The following TPH2 variants were observed in gnomAD, a reference collection of about 807,000 sequenced individuals.
The protein encoded by TPH2 is tryptophan 5-hydroxylase 2.
A neutral mutation model predicts 59.1 loss-of-function variants in TPH2; 27 were observed. The ratio of observed to expected loss-of-function variants is 0.46; its 90% CI spans 0.34 to 0.63. The LOEUF is 0.63. Among genes scored for constraint, TPH2 ranks in the 30% least tolerant of loss-of-function variants. TPH2 has a pLI of 0.01. For missense variants in TPH2, 523 were observed against 588.3 expected, an observed-to-expected ratio of 0.89 and a Z score of 1.15; for synonymous variants, 220 against 210.5, an observed-to-expected ratio of 1.05 and a Z score of -0.39.
chr12:71,990,605 A>C (rs1011329950), intron 7 of TPH2, among the ~76,000 whole-genome samples: 1 of 152,248 alleles, frequency 6.6e-6, no homozygotes, highest in Non-Finnish European at 1.5e-5. Context: ...CAGGCACTTC[A>C]ATTTCCTTTG....
At chr12:71,992,246 C>T (rs1872591802) in intron 7 of TPH2, among the ~76,000 whole-genome samples, 1 of 152,178 alleles carries the variant, frequency 6.6e-6, no homozygotes, top group Admixed American at 6.5e-5. Context: ...CAACAGAGAG[C>T]AGAAAGAGTG....
At chr12:71,981,469 C>T (rs1028131652) in intron 7 of TPH2, among the ~76,000 whole-genome samples, 1 of 152,082 alleles carries the variant, frequency 6.6e-6, no homozygotes, top group Non-Finnish European at 1.5e-5. Flanking sequence ...CTAGGGAGCT[C>T]ACATTCTATG....
chr12:72,014,670 C>A (rs567951164), intron 8 of TPH2, among the ~76,000 whole-genome samples: 1 of 152,142 alleles, frequency 6.6e-6, no homozygotes, highest in Non-Finnish European at 1.5e-5. Flanking sequence ...GGATTACAGG[C>A]GTGAACCACC....
At position 71,977,576 on chromosome 12, in the gene TPH2, C is replaced by T. The variant is rs925514559; in HGVS notation, c.806-1376C>T. Among the ~76,000 whole-genome samples, 24 of 152,126 alleles carry T rather than the reference C, an allele frequency of 1.6e-4. 1 individual carries two copies. Among genetic ancestry groups the T allele is most frequent in the South Asian group, 4.1e-4 (2 of 4,828 alleles). On this transcript the variant is annotated intron_variant, in intron 6 of 10. Transcript: ENST00000333850. ...ACTATTACAGTAAATCCTCACTTAA[C>T]GTCATCGATAGGTTCTTGAAACCTG... is the stretch of plus-strand genomic sequence containing the variant.
At chr12:72,028,667 G>A (rs1056414228) in intron 9 of TPH2, among the ~76,000 whole-genome samples, 1 of 152,034 alleles carries the variant, frequency 6.6e-6, no homozygotes, top group East Asian at 1.9e-4. Flanking sequence ...GCTAATCCAT[G>A]GGTACCATTA....
chr12:71,942,936 GAGA>G (rs1871112429), intron 2 of TPH2, among the ~76,000 whole-genome samples: 1 of 152,102 alleles, frequency 6.6e-6, no homozygotes, highest in Admixed American at 6.6e-5. Context: ...TAAATTCCTG[GAGA>G]AGGAGTTAGC....
In TPH2 at chr12:71,968,692, C is replaced by T. The variant is rs374400514; in HGVS notation, c.609-3827C>T. Reference sequence around the variant, plus strand: ...CTTTGAGAGGAGGAAAGAAACTGCCCTTTCCCTCAAACACTGACCTCCTCA... The same window carrying T: ...CTTTGAGAGGAGGAAAGAAACTGCCTTTTCCCTCAAACACTGACCTCCTCA... On this transcript the variant is annotated intron_variant, in intron 5 of 10. Coordinates refer to ENST00000333850, the MANE Select transcript of TPH2 (RefSeq NM_173353.4). Among the ~76,000 whole-genome samples, 21 of 152,344 alleles carry T rather than the reference C, an allele frequency of 1.4e-4. No individual in the cohort carries two copies. The East Asian group carries it at 3.5e-3, about 25-fold the overall frequency.
chr12:71,981,860 G>T (rs1014885640), intron 7 of TPH2, among the ~76,000 whole-genome samples: 1 of 151,860 alleles, frequency 6.6e-6, no homozygotes, highest in Non-Finnish European at 1.5e-5. Flanking sequence ...TGAATGTAAA[G>T]CACCCACAAT....
chr12:72,031,757 G>A lies in TPH2; in HGVS notation c.*62G>A, dbSNP rs1328469870. 1.9e-6 allele frequency: 3 copies of A among 1,591,384 alleles called. No individual in the cohort carries two copies. The African/African-American group carries it at 4.0e-5, about 21-fold the overall frequency. On this transcript the variant is annotated 3_prime_UTR_variant, in exon 11 of 11. Transcript: ENST00000333850. Reference sequence around the variant, plus strand: ...GGGGCTTAGCAGCAGTTCAGTCAATGTCATATAACGCAAATAACCTTCTGT... The same window carrying A: ...GGGGCTTAGCAGCAGTTCAGTCAATATCATATAACGCAAATAACCTTCTGT...
chr12:71,948,185 T>A (rs574442059), intron 4 of TPH2, among the ~76,000 whole-genome samples: 6 of 151,306 alleles, frequency 4.0e-5, no homozygotes, highest in African/African-American at 1.4e-4. Context: ...TATTATTATT[T>A]TTTACCAAAT....
intron 4 of TPH2, among the ~76,000 whole-genome samples, chr12:71,947,881 G>A (rs950039631): frequency 2.6e-5 from 4 of 152,180 alleles, no homozygotes; most frequent in Non-Finnish European, 5.9e-5. Flanking sequence ...TCTTCAGGAG[G>A]CCCAGCAGAT....
At chr12:72,000,772 A>G (rs1872803778) in intron 8 of TPH2, among the ~76,000 whole-genome samples, 1 of 152,200 alleles carries the variant, frequency 6.6e-6, no homozygotes, top group Admixed American at 6.5e-5. Context: ...CCTTTCATCT[A>G]TGAGAGCCAT....
intron 5 of TPH2, among the ~76,000 whole-genome samples, chr12:71,971,944 A>G (rs1592392884): frequency 6.6e-6 from 1 of 152,188 alleles, no homozygotes; most frequent in Non-Finnish European, 1.5e-5. Flanking sequence ...TAATGTGTGT[A>G]TCTTTCAGCA....
chr12:72,014,485 G>A (rs1286988101), intron 8 of TPH2, among the ~76,000 whole-genome samples: 1 of 149,238 alleles, frequency 6.7e-6, no homozygotes, highest in African/African-American at 2.5e-5. Context: ...CCGCCTCCCT[G>A]TTTCAAGTGA....
intron 8 of TPH2, among the ~76,000 whole-genome samples, chr12:72,020,831 A>T (rs181271479): frequency 1.5e-4 from 23 of 152,168 alleles, no homozygotes; most frequent in Middle Eastern, 3.4e-3. Context: ...TCAGGAAAAA[A>T]AATTTTACTT....
intron 9 of TPH2, among the ~76,000 whole-genome samples, chr12:72,026,534 T>C (rs1873572421): frequency 6.6e-6 from 1 of 152,214 alleles, no homozygotes. Context: ...TTCTCTGATG[T>C]CATCTGTTTG....
chr12:72,003,482 T>G (rs1872876479), intron 8 of TPH2, among the ~76,000 whole-genome samples: 1 of 152,212 alleles, frequency 6.6e-6, no homozygotes, highest in African/African-American at 2.4e-5. Context: ...CAAGAAGTGC[T>G]CAAATTCTTT....
At chr12:71,958,067 A>G (rs534970112) in intron 5 of TPH2, among the ~76,000 whole-genome samples, 19 of 152,328 alleles carry the variant, frequency 1.2e-4, no homozygotes, top group Non-Finnish European at 1.6e-4. Context: ...CACTTTGAAG[A>G]TGAGGAAACT....
At chr12:72,027,496 A>C (rs537375391) in intron 9 of TPH2, among the ~76,000 whole-genome samples, 31 of 152,338 alleles carry the variant, frequency 2.0e-4, no homozygotes, top group Admixed American at 6.5e-4. Flanking sequence ...ATAGGCTTAC[A>C]GAGGTAAAGT....
Sources: gnomAD v4.1 joint callset for allele counts (sites outside exome capture counted in the v4.1 genomes callset) on GRCh38, gnomAD v4.1.1 for gene constraint, MANE v1.5 for transcripts, NCBI Gene and HGNC (gene_info 2026-07-23, HGNC 2026-07-21) for gene names.